The following HNF4A variants were observed in gnomAD, a reference collection of about 807,000 sequenced individuals.
HNF4A encodes hepatocyte nuclear factor 4-alpha.
In HNF4A, 15 loss-of-function variants were observed where a neutral mutation model predicts 52.4. The observed-to-expected ratio is 0.29, with a 90% CI of 0.19 to 0.44. HNF4A has a LOEUF of 0.44. Among genes scored for constraint, HNF4A ranks in the 20% least tolerant of loss-of-function variants. The pLI is 1.00. For synonymous variants in HNF4A, 280 were observed against 264.4 expected (o/e 1.06, Z -0.57); for missense variants, 479 against 647.2 (o/e 0.74, Z 2.82).
intron 1 of HNF4A, among the ~76,000 whole-genome samples, chr20:44,356,715 A>G (rs6031546): frequency 0.19 from 28,258 of 152,220 alleles, 2,760 homozygotes; most frequent in Middle Eastern, 0.26. Flanking sequence ...AATTCGTGGA[A>G]TGACACAATA....
chr20:44,417,337 G>A (rs1439001078), intron 5 of HNF4A, among the ~76,000 whole-genome samples: 1 of 152,144 alleles, frequency 6.6e-6, no homozygotes, highest in Non-Finnish European at 1.5e-5. Context: ...ATGTCCTTCT[G>A]TGAGCTTGCT....
At chr20:44,375,308 C>T (rs896810654) in intron 1 of HNF4A, among the ~76,000 whole-genome samples, 1 of 151,932 alleles carries the variant, frequency 6.6e-6, no homozygotes, top group African/African-American at 2.4e-5. Flanking sequence ...TCCTTGTAGA[C>T]CTTTGTTGGA....
intron 9 of HNF4A, among the ~76,000 whole-genome samples, chr20:44,429,068 G>C (rs1451438538): frequency 6.6e-6 from 1 of 152,202 alleles, no homozygotes; most frequent in East Asian, 1.9e-4. Flanking sequence ...CCTGCCATGA[G>C]AGTGAGGCCA....
rs945026864 is a variant in HNF4A at position 44,432,403 on chromosome 20, T to G, written c.*2738T>G. 2.8e-4 allele frequency: 38 copies of G among 136,422 alleles called. No homozygotes were observed. The highest frequency in any genetic ancestry group is 1.0e-3 in the African/African-American group (37 of 36,994). The allele number at this position is 136,422 out of a possible 1,614,324, so 8.5% of individuals were successfully genotyped here. On this transcript the variant is annotated 3_prime_UTR_variant, in exon 10 of 10. Transcript: ENST00000316099. Reference sequence around the variant, plus strand: ...AGTTGTGGTCCTAAAACATAAAATCTGATGGACAAACAGAGGGTTGCTGGG... The same window carrying G: ...AGTTGTGGTCCTAAAACATAAAATCGGATGGACAAACAGAGGGTTGCTGGG...
At chr20:44,429,402 G>T in intron 9 of HNF4A, 121 bp from the exon 10 acceptor site, 1 of 1,034,454 alleles carries the variant, frequency 9.7e-7, no homozygotes, top group South Asian at 1.4e-5. Context: ...TCATTTTATA[G>T]AGGAAGAAAT....
At chr20:44,401,525 G>A (rs915053957) in intron 1 of HNF4A, 6 of 1,612,814 alleles carry the variant, frequency 3.7e-6, no homozygotes, top group Non-Finnish European at 5.1e-6. Context: ...TGCCAGTGGG[G>A]GCAGGTGTGC....
chr20:44,412,977 C>T lies in HNF4A; in HGVS notation c.386-717C>T, dbSNP rs182023969. On this transcript the variant is annotated intron_variant, in intron 3 of 9. Coordinates refer to ENST00000316099, the MANE Select transcript of HNF4A (RefSeq NM_000457.6). ...CCTCCTTTCTGAATCAGCCAAGCCT[C>T]ATTCCACAGTGAGGCCTCTTGGACT... 3.3e-5 allele frequency among the ~76,000 whole-genome samples: 5 copies of T among 152,308 alleles called. No homozygotes were observed. In the East Asian group the frequency reaches 9.6e-4, roughly 29 times the overall value.
At chr20:44,385,678 A>G (rs1427602296) in intron 1 of HNF4A, among the ~76,000 whole-genome samples, 2 of 152,066 alleles carry the variant, frequency 1.3e-5, no homozygotes, top group South Asian at 4.1e-4. Flanking sequence ...CATGTTGGCC[A>G]GGCTGGTCTT....
chr20:44,365,932 A>G (rs1172131354), intron 1 of HNF4A, among the ~76,000 whole-genome samples: 1 of 152,072 alleles, frequency 6.6e-6, no homozygotes, highest in African/African-American at 2.4e-5. Flanking sequence ...GCTTGAGCCC[A>G]AGAGGTGAAG....
intron 3 of HNF4A, among the ~76,000 whole-genome samples, chr20:44,407,957 T>C (rs2063527118): frequency 6.6e-6 from 1 of 152,130 alleles, no homozygotes; most frequent in Non-Finnish European, 1.5e-5. Flanking sequence ...CATTCGTGGG[T>C]ATCACGTGAT....
intron 1 of HNF4A, among the ~76,000 whole-genome samples, chr20:44,382,942 G>A (rs1431151021): frequency 3.9e-5 from 6 of 152,148 alleles, no homozygotes; most frequent in Non-Finnish European, 7.4e-5. Context: ...CTAAGAAGGG[G>A]CAGATTGCTT....
chr20:44,425,612 G>T (rs1253885158), intron 8 of HNF4A, among the ~76,000 whole-genome samples: 2 of 151,792 alleles, frequency 1.3e-5, no homozygotes, highest in East Asian at 3.9e-4. Flanking sequence ...GTGGTAGTGA[G>T]GGGTGACCTC....
At chr20:44,366,324 C>T (rs2062969558) in intron 1 of HNF4A, among the ~76,000 whole-genome samples, 1 of 151,976 alleles carries the variant, frequency 6.6e-6, no homozygotes, top group South Asian at 2.1e-4. Flanking sequence ...TCCTAATTCT[C>T]AAAATGTCCC....
upstream of HNF4A, among the ~76,000 whole-genome samples, chr20:44,400,943 A>C (rs2063398983): frequency 6.6e-6 from 1 of 151,978 alleles, no homozygotes. Context: ...TGATAGTATC[A>C]GTTAGAATGC....
In HNF4A at chr20:44,419,687, A is replaced by T. The variant is rs750252688; in HGVS notation, c.737-34A>T. The T allele has an allele frequency of 1.4e-5, 22 of 1,609,702 alleles. No homozygotes were observed. In the South Asian group the frequency reaches 2.4e-4, roughly 18 times the overall value. ...AGAGGAGAGGGGTCAACCCAAGGTG[A>T]CTTCCCATCCTCCCTCCCTCCCAAC... On this transcript the variant is annotated intron_variant, in intron 6 of 9. Transcript: ENST00000316099.
intron 1 of HNF4A, among the ~76,000 whole-genome samples, chr20:44,387,671 C>CGG (rs1202725022): frequency 2.2e-4 from 1 of 4,458 alleles, no homozygotes; most frequent in African/African-American, 7.2e-4. Flanking sequence ...GGGGGGGAGG[C>CGG]GGGGGGGGCG....
chr20:44,389,300 G>A (rs1449467227), intron 1 of HNF4A, among the ~76,000 whole-genome samples: 1 of 152,130 alleles, frequency 6.6e-6, no homozygotes, highest in African/African-American at 2.4e-5. Flanking sequence ...TCTGCAACCC[G>A]CCTCTCCACC....
chr20:44,400,774 A>C (rs919404553), upstream of HNF4A, among the ~76,000 whole-genome samples: 14 of 152,248 alleles, frequency 9.2e-5, no homozygotes, highest in African/African-American at 2.7e-4. Flanking sequence ...GGGAGCTCCC[A>C]GAACAAGGAT....
At chr20:44,404,238 A>G (rs1239384674) in intron 1 of HNF4A, among the ~76,000 whole-genome samples, 2 of 152,216 alleles carry the variant, frequency 1.3e-5, no homozygotes, top group Non-Finnish European at 2.9e-5. Flanking sequence ...AATCCCCATA[A>G]CGAACCTAGG....
Sources: allele counts gnomAD v4.1 joint callset (sites outside exome capture counted in the v4.1 genomes callset), GRCh38; gene constraint gnomAD v4.1.1; transcripts MANE v1.5; gene names NCBI Gene and HGNC (gene_info 2026-07-23, HGNC 2026-07-21).